Variants in ARID1B observed in about 807,000 individuals in gnomAD.
ARID1B encodes the protein AT-rich interaction domain 1B.
A neutral mutation model predicts 212.3 loss-of-function variants in ARID1B; 30 were observed. The ratio of observed to expected loss-of-function variants is 0.14; its 90% CI spans 0.11 to 0.19. The LOEUF is 0.19. Among genes scored for constraint, ARID1B ranks in the 10% least tolerant of loss-of-function variants. The probability of loss-of-function intolerance (pLI) is 1.00; values close to 1 mark genes in which losing one functional copy is unlikely to be tolerated. For synonymous variants in ARID1B, 1,402 were observed against 1,301.7 expected (o/e 1.08, Z -1.66); for missense variants, 2,891 against 3,204.0 (o/e 0.90, Z 2.36).
chr6:156,888,899 T>C (rs1029012369), intron 2 of ARID1B, among the ~76,000 whole-genome samples: 50 of 152,234 alleles, frequency 3.3e-4, no homozygotes, highest in African/African-American at 1.2e-3. Flanking sequence ...ATATTTGGTA[T>C]GGAAAATACT....
intron 7 of ARID1B, among the ~76,000 whole-genome samples, chr6:157,145,735 T>C (rs1789680637): frequency 6.6e-6 from 1 of 152,188 alleles, no homozygotes; most frequent in African/African-American, 2.4e-5. Flanking sequence ...TAAGCTACAC[T>C]CCAGGATGCC....
rs932140620 is a variant in ARID1B at position 156,955,175 on chromosome 6, T to A, written c.2247+19599T>A. Among the ~76,000 whole-genome samples, 1 of 152,224 alleles carries A rather than the reference T, an allele frequency of 6.6e-6. No homozygotes were observed. The highest frequency in any genetic ancestry group is 6.5e-5 in the Admixed American group (1 of 15,284). ...GTTGTTCAAGCTTGCTAACGTGTGT[T>A]AGGATCCTGAATCTGGCATCTGTTG... On this transcript the variant is annotated intron_variant, in intron 4 of 19. Coordinates refer to ENST00000636930, the MANE Select transcript of ARID1B (RefSeq NM_001374828.1). The surrounding 1 kb of genome is among the most constrained non-coding windows in gnomAD (Gnocchi z 4.2).
intron 3 of ARID1B, among the ~76,000 whole-genome samples, chr6:156,909,803 A>G (rs1262844606): frequency 1.3e-5 from 2 of 152,168 alleles, no homozygotes; most frequent in Non-Finnish European, 2.9e-5. Context: ...GTTGAAAATC[A>G]TGTTCCCAAC....
chr6:156,895,269 C>T (rs1177452252), intron 2 of ARID1B, among the ~76,000 whole-genome samples: 1 of 152,184 alleles, frequency 6.6e-6, no homozygotes, highest in Non-Finnish European at 1.5e-5. Context: ...GAAATGCTGG[C>T]ATAAAGTTCT....
chr6:156,855,060 G>A (rs1784822107), intron 2 of ARID1B, among the ~76,000 whole-genome samples: 1 of 152,026 alleles, frequency 6.6e-6, no homozygotes. Context: ...TATCATAGAA[G>A]GCATTTCATG....
intron 2 of ARID1B, among the ~76,000 whole-genome samples, chr6:156,845,155 T>G (rs1389325666): frequency 6.6e-6 from 1 of 152,216 alleles, no homozygotes; most frequent in Non-Finnish European, 1.5e-5. Flanking sequence ...CATACTGGAC[T>G]TTTATTTGGA....
intron 4 of ARID1B, chr6:157,071,903 G>A (rs1784027212): frequency 6.6e-6 from 1 of 152,064 alleles, no homozygotes; most frequent in African/African-American, 2.4e-5. Context: ...TTAGACTTTT[G>A]CTTTTTCCCA....
rs191975155 is a variant in ARID1B, at chr6:156,885,914, G to A, written c.1987-15462G>A. The stretch of plus-strand genomic sequence containing the variant: ...TGTATCCTAATATTGTACAGGTTGA[G>A]TATCCCTCATCTGAAAATCCAAAAT... On this transcript the variant is annotated intron_variant, in intron 2 of 19. Coordinates refer to ENST00000636930, the MANE Select transcript of ARID1B (RefSeq NM_001374828.1). Among the ~76,000 whole-genome samples, 298 of 152,234 alleles carry A rather than the reference G, an allele frequency of 2.0e-3. 3 individuals are homozygous for A. The highest frequency in any genetic ancestry group is 5.8e-3 in the South Asian group (28 of 4,828).
At chr6:156,923,654 C>T (rs537856885) in intron 3 of ARID1B, among the ~76,000 whole-genome samples, 70 of 151,890 alleles carry the variant, frequency 4.6e-4, no homozygotes, top group African/African-American at 1.6e-3. Context: ...TTACTACCAA[C>T]ACTGTCCTCA....
intron 3 of ARID1B, among the ~76,000 whole-genome samples, chr6:156,911,833 A>T (rs895151799): frequency 6.6e-6 from 1 of 152,192 alleles, no homozygotes; most frequent in South Asian, 2.1e-4. Flanking sequence ...AACAGCTCAA[A>T]ACCACGAGCA....
intron 4 of ARID1B, among the ~76,000 whole-genome samples, chr6:156,982,656 A>G (rs1210176649): frequency 6.6e-6 from 1 of 151,890 alleles, no homozygotes; most frequent in Non-Finnish European, 1.5e-5. Flanking sequence ...CCTTGACTCT[A>G]TCTGCCAATC....
chr6:157,183,910 A>G (rs1484803826), intron 12 of ARID1B, among the ~76,000 whole-genome samples: 1 of 152,216 alleles, frequency 6.6e-6, no homozygotes, highest in Non-Finnish European at 1.5e-5. Flanking sequence ...AACTTGGAAA[A>G]TAGTGCCGTT....
At chr6:156,935,243 T>C (rs755882856) in intron 3 of ARID1B, among the ~76,000 whole-genome samples, 129 of 151,760 alleles carry the variant, frequency 8.5e-4, no homozygotes, top group Non-Finnish European at 3.4e-4. Context: ...CACACTCGGC[T>C]AATTTTTTAT....
chr6:156,971,502 G>A lies in ARID1B; in HGVS notation c.2247+35926G>A, dbSNP rs544763280. On this transcript the variant is annotated intron_variant, in intron 4 of 19. Transcript: ENST00000636930. ...TAGACAACTGTGGATGGGCTTGGGA[G>A]TGTGTTCCTTTACTATTGCTATACT... Among the ~76,000 whole-genome samples the A allele has an allele frequency of 5.9e-5, 9 of 152,332 alleles. No individual in the cohort carries two copies. The South Asian group carries it at 1.9e-3, about 32-fold the overall frequency.
chr6:156,785,404 A>G (rs1779563329), intron 1 of ARID1B, among the ~76,000 whole-genome samples: 1 of 152,252 alleles, frequency 6.6e-6, no homozygotes, highest in Admixed American at 6.5e-5. Context: ...ACCAGAAGCC[A>G]TTCCTTATCA....
At chr6:157,072,761 T>C (rs1205304773) in intron 4 of ARID1B, among the ~76,000 whole-genome samples, 1 of 152,250 alleles carries the variant, frequency 6.6e-6, no homozygotes. Flanking sequence ...GTGGATTCTT[T>C]ATTAACTCAT....
At chr6:156,920,940 C>T (rs934684344) in intron 3 of ARID1B, among the ~76,000 whole-genome samples, 24 of 151,962 alleles carry the variant, frequency 1.6e-4, no homozygotes, top group African/African-American at 3.6e-4. Flanking sequence ...CCACAACCTC[C>T]GCCTCCCAGG....
intron 1 of ARID1B, chr6:156,780,471 G>T (rs1779177819): frequency 6.6e-6 from 1 of 152,266 alleles, no homozygotes; most frequent in Non-Finnish European, 1.5e-5. Flanking sequence ...CCTTTGCAAG[G>T]TTTGGAATTT....
intron 4 of ARID1B, among the ~76,000 whole-genome samples, chr6:156,989,976 A>G (rs992841190): frequency 2.8e-4 from 43 of 152,098 alleles, no homozygotes; most frequent in Admixed American, 2.4e-3. Context: ...TTGATTTTCA[A>G]CCTTTACAAT....
Sources: gnomAD v4.1 joint callset for allele counts (sites outside exome capture counted in the v4.1 genomes callset) on GRCh38, gnomAD v4.1.1 for gene constraint, Gnocchi (gnomAD v3.1) non-coding constraint, MANE v1.5 for transcripts, NCBI Gene and HGNC (gene_info 2026-07-23, HGNC 2026-07-21) for gene names.